HNRNPH1: variants seen among roughly 807,000 people sequenced by gnomAD.
The protein encoded by HNRNPH1 is heterogeneous nuclear ribonucleoprotein H1, also known as heterogeneous nuclear ribonucleoprotein H.
Under a neutral mutation model 58.6 loss-of-function variants are expected in HNRNPH1, and 4 were observed. The observed-to-expected ratio is 0.07, with a 90% CI of 0.03 to 0.16. The LOEUF (loss-of-function observed/expected upper bound fraction) is 0.16, where lower values mean the gene tolerates loss of function less well. Ranked by LOEUF, HNRNPH1 falls within the 10% of genes least tolerant of loss-of-function variation. The probability of loss-of-function intolerance (pLI) is 1.00; values close to 1 mark genes in which losing one functional copy is unlikely to be tolerated. For missense variants in HNRNPH1, 271 were observed against 564.2 expected, an observed-to-expected ratio of 0.48 and a Z score of 5.26; for synonymous variants, 192 against 189.2, an observed-to-expected ratio of 1.01 and a Z score of -0.12.
chr5:179,625,963 A>ATTTT (rs1478641132), upstream of HNRNPH1, among the ~76,000 whole-genome samples: 1 of 151,048 alleles, frequency 6.6e-6, no homozygotes, highest in Admixed American at 6.6e-5. Flanking sequence ...TTATTTATTT[A>ATTTT]TTTTTTGTAG....
chr5:179,623,323 A>G (rs1773651050), exon 1 of HNRNPH1: 2 of 454,666 alleles, frequency 4.4e-6, no homozygotes, highest in Non-Finnish European at 8.3e-6. Context: ...CCGGACCCCC[A>G]AAGCTGTCCT....
intron 12 of HNRNPH1, 78 bp from the exon 14 acceptor site, chr5:179,615,037 G>C (rs1398698494): frequency 1.1e-6 from 1 of 917,798 alleles, no homozygotes; most frequent in Non-Finnish European, 1.7e-6. Flanking sequence ...CCAAGAAAAA[G>C]TTTAAAAAGT....
At position 179,619,257 on chromosome 5, in the gene HNRNPH1, A is replaced by T; in HGVS notation, c.536+12T>A. On this transcript the variant is annotated intron_variant, in intron 4 of 12. Coordinates refer to ENST00000356731, the Ensembl canonical transcript of HNRNPH1. ...AGAAAAGTGACATATCCAACCAACC[A>T]TCCATCCCCACCTGTGCCCTATTCT... The T allele has an allele frequency of 6.3e-7, 1 of 1,596,264 alleles. No individual in the cohort carries two copies. The highest frequency in any genetic ancestry group is 8.5e-7 in the Non-Finnish European group (1 of 1,170,426).
intron 8 of HNRNPH1, 200 bp from the exon 10 acceptor site, chr5:179,617,310 T>TGC: frequency 2.7e-6 from 2 of 736,454 alleles, no homozygotes; most frequent in Non-Finnish European, 4.4e-6. Context: ...ATTAAGGATA[T>TGC]ACACTTCAAG....
At chr5:179,618,250 T>C (rs780615626) in exon 5 of HNRNPH1, 4 of 1,614,074 alleles carry the variant, frequency 2.5e-6, no homozygotes, top group South Asian at 1.1e-5. Flanking sequence ...GGCCGCTGCA[T>C]GGCCATAAGC....
At chr5:179,616,145 C>G (rs1769489290) in exon 11 of HNRNPH1, 3 of 1,613,902 alleles carry the variant, frequency 1.9e-6, no homozygotes, top group South Asian at 1.1e-5. Flanking sequence ...TCATGCTGCT[C>G]TGGCCACCGT....
At chr5:179,614,725 G>C (rs114335388) in exon 13 of HNRNPH1, 6 of 597,344 alleles carry the variant, frequency 1.0e-5, no homozygotes, top group African/African-American at 8.0e-5. Context: ...TTTCCACTTA[G>C]AGTAAGCATA....
At chr5:179,630,947 CAA>C (rs935951407) in intron 2 of HNRNPH1, among the ~76,000 whole-genome samples, 2 of 147,384 alleles carry the variant, frequency 1.4e-5, no homozygotes, top group African/African-American at 5.0e-5. Context: ...AAAAAAAAAA[CAA>C]AAACAAAAAT....
At chr5:179,616,870 C>G in exon 10 of HNRNPH1, 1 of 1,613,200 alleles carries the variant, frequency 6.2e-7, no homozygotes, top group Non-Finnish European at 8.5e-7. Flanking sequence ...GATATTTACA[C>G]AAGCCCATGC....
chr5:179,622,208 C>A (rs769798255), intron 1 of HNRNPH1, among the ~76,000 whole-genome samples: 1 of 145,602 alleles, frequency 6.9e-6, no homozygotes, highest in African/African-American at 2.4e-5. Context: ...AAACACTCTT[C>A]AATTATCAAA....
At position 179,618,377 on chromosome 5, in the gene HNRNPH1, A is replaced by T. The variant is rs1770781634; in HGVS notation, c.537-54T>A. The T allele has an allele frequency of 4.9e-6, 6 of 1,222,672 alleles. No individual in the cohort carries two copies. In the South Asian group the frequency reaches 8.3e-5, roughly 17 times the overall value. The allele number at this position is 1,222,672 out of a possible 1,614,324, so 75.7% of individuals were successfully genotyped here. A position where few individuals can be genotyped will look rare whatever the true frequency, so the allele number is the denominator to read the frequency against. On this transcript the variant is annotated intron_variant, in intron 4 of 12. Coordinates refer to ENST00000356731, the Ensembl canonical transcript of HNRNPH1. ...GGGAGGGGAGAGAAAACATTAGTTCATTTTATACAGGTATTTAGTTATACA... is the reference window on the plus strand; with the variant it reads ...GGGAGGGGAGAGAAAACATTAGTTCTTTTTATACAGGTATTTAGTTATACA...
At chr5:179,624,648 T>C (rs1774185590) in exon 1 of HNRNPH1, 1 of 398,506 alleles carries the variant, frequency 2.5e-6, no homozygotes, top group South Asian at 1.3e-4. Flanking sequence ...AGATGACTAA[T>C]GTTCGTGGTT....
chr5:179,625,565 A>C (rs1338736437), upstream of HNRNPH1, among the ~76,000 whole-genome samples: 4 of 151,342 alleles, frequency 2.6e-5, no homozygotes, highest in Admixed American at 6.6e-5. Context: ...AGACTGAGGC[A>C]GGAGAATCAC....
intron 3 of HNRNPH1, chr5:179,620,143 G>A (rs1208799004): frequency 1.3e-5 from 2 of 152,136 alleles, no homozygotes; most frequent in African/African-American, 4.8e-5. Context: ...CTGACATTAG[G>A]ACTCGATACA....
At chr5:179,628,888 G>A (rs974051864), upstream of HNRNPH1, among the ~76,000 whole-genome samples, 16 of 152,190 alleles carry the variant, frequency 1.1e-4, no homozygotes, top group Admixed American at 7.9e-4. Flanking sequence ...GTGTGAGGTG[G>A]GAGGATGGCT....
chr5:179,619,339 A>T, exon 4 of HNRNPH1: 1 of 1,613,516 alleles, frequency 6.2e-7, no homozygotes, highest in Non-Finnish European at 8.5e-7. Flanking sequence ...AACTGCACGA[A>T]GGCCTCCCCC....
At chr5:179,615,438 G>T in intron 12 of HNRNPH1, 108 bp downstream of exon 13, 1 of 586,556 alleles carries the variant, frequency 1.7e-6, no homozygotes, top group Non-Finnish European at 3.0e-6. Context: ...GTGCCCAAAT[G>T]GCAGCCTCCA....
At chr5:179,629,838 CA>C in intron 2 of HNRNPH1, among the ~76,000 whole-genome samples, 1 of 151,806 alleles carries the variant, frequency 6.6e-6, no homozygotes, top group African/African-American at 2.4e-5. Flanking sequence ...GCCTGGCCAA[CA>C]TGGTGAAACC....
chr5:179,614,786 A>G (rs1032952363), exon 13 of HNRNPH1: 5,939 of 99,850 alleles, frequency 0.059, 250 homozygotes, highest in African/African-American at 0.35. Flanking sequence ...TTCTTAAAGA[A>G]AAAAAAAAAA....
Sources: gnomAD v4.1 joint callset for allele counts (sites outside exome capture counted in the v4.1 genomes callset) on GRCh38, gnomAD v4.1.1 for gene constraint, MANE v1.5 for transcripts, NCBI Gene and HGNC (gene_info 2026-07-23, HGNC 2026-07-21) for gene names.